The following KIAA1328 variants were observed in gnomAD, a reference collection of about 807,000 sequenced individuals.
KIAA1328 encodes protein hinderin.
A neutral mutation model predicts 68.1 loss-of-function variants in KIAA1328; 52 were observed. The ratio of observed to expected loss-of-function variants is 0.76; its 90% CI spans 0.61 to 0.96. The LOEUF is 0.96. Among genes scored for constraint, KIAA1328 ranks in the 40% least tolerant of loss-of-function variants. KIAA1328 has a pLI of 0.00. For synonymous variants in KIAA1328, 232 were observed against 239.4 expected (o/e 0.97, Z 0.28); for missense variants, 641 against 677.6 (o/e 0.95, Z 0.60).
At chr18:37,229,743 G>A, downstream of KIAA1328, 1 of 295,000 alleles carries the variant, frequency 3.4e-6, no homozygotes, top group Non-Finnish European at 6.5e-6. Context: ...AAAATTACCT[G>A]AGCGTGGTGG....
chr18:36,924,851 G>A (rs1031143741), intron 5 of KIAA1328: 6 of 152,126 alleles, frequency 3.9e-5, no homozygotes, highest in African/African-American at 1.4e-4. Context: ...TTCAAGGAGG[G>A]TTGCTGGTCC....
intron 5 of KIAA1328, among the ~76,000 whole-genome samples, chr18:36,932,552 G>A (rs2050349159): frequency 6.6e-6 from 1 of 152,116 alleles, no homozygotes; most frequent in African/African-American, 2.4e-5. Context: ...TTCCATAATT[G>A]ACATTTATTA....
chr18:37,082,418 C>T (rs553810758), intron 7 of KIAA1328, among the ~76,000 whole-genome samples: 3 of 152,196 alleles, frequency 2.0e-5, no homozygotes, highest in Non-Finnish European at 2.9e-5. Context: ...GTGATCTGCC[C>T]GCCTCGGTCT....
chr18:36,985,315 A>G (rs1227173976), intron 6 of KIAA1328, among the ~76,000 whole-genome samples: 1 of 152,184 alleles, frequency 6.6e-6, no homozygotes, highest in Admixed American at 6.5e-5. Flanking sequence ...ATAAAGATTC[A>G]GTGCAATTCC....
chr18:37,143,037 C>T (rs527554712), intron 7 of KIAA1328, among the ~76,000 whole-genome samples: 20 of 151,882 alleles, frequency 1.3e-4, no homozygotes, highest in Middle Eastern at 3.4e-3. Flanking sequence ...TTACTGCAAC[C>T]TCCGCCTCCC....
At position 37,205,597 on chromosome 18, in the gene KIAA1328, C is replaced by T. The variant is rs192901512; in HGVS notation, c.1524-16420C>T. ...GTAGAAAGGACACAAATAGGTACTC[C>T]AAAAGGTCAAAAGTCATGCAAATAA... On this transcript the variant is annotated intron_variant, in intron 9 of 9. Coordinates refer to ENST00000280020, the MANE Select transcript of KIAA1328 (RefSeq NM_020776.3). Among the ~76,000 whole-genome samples, 283 of 152,236 alleles carry T rather than the reference C, an allele frequency of 1.9e-3. 3 individuals carry two copies. Among genetic ancestry groups the T allele is most frequent in the African/African-American group, 6.6e-3 (276 of 41,534 alleles).
intron 6 of KIAA1328, 79 bp downstream of exon 6, chr18:36,959,514 A>G (rs1272330648): frequency 2.8e-6 from 4 of 1,415,668 alleles, no homozygotes; most frequent in South Asian, 1.3e-5. Context: ...TTTTATCTTA[A>G]TTTCCTCCCA....
chr18:36,975,719 T>A (rs570800817), intron 6 of KIAA1328, among the ~76,000 whole-genome samples: 1 of 152,348 alleles, frequency 6.6e-6, no homozygotes, highest in African/African-American at 2.4e-5. Context: ...ACCGATTTTT[T>A]AACTTTTATT....
intron 4 of KIAA1328, among the ~76,000 whole-genome samples, chr18:36,857,314 T>C (rs2047417016): frequency 6.6e-6 from 1 of 152,228 alleles, no homozygotes; most frequent in Non-Finnish European, 1.5e-5. Context: ...CTGCTGTCTC[T>C]TTTGCCAGGT....
At chr18:36,957,386 G>A (rs1474692227) in intron 5 of KIAA1328, among the ~76,000 whole-genome samples, 1 of 152,122 alleles carries the variant, frequency 6.6e-6, no homozygotes, top group African/African-American at 2.4e-5. Context: ...AAGAGCCTGG[G>A]GAGGAAATTA....
chr18:37,211,763 CAG>C (rs2060320951), intron 9 of KIAA1328, among the ~76,000 whole-genome samples: 1 of 152,134 alleles, frequency 6.6e-6, no homozygotes. Context: ...AATGAGTACT[CAG>C]AAAGAATTTG....
At chr18:36,985,042 C>G (rs1040560728) in intron 6 of KIAA1328, among the ~76,000 whole-genome samples, 9 of 152,058 alleles carry the variant, frequency 5.9e-5, no homozygotes, top group Non-Finnish European at 2.9e-5. Context: ...GTGGCTCACA[C>G]CTAAAATTCA....
intron 5 of KIAA1328, chr18:36,895,744 T>C (rs1242247661): frequency 2.2e-6 from 1 of 456,248 alleles, no homozygotes; most frequent in East Asian, 7.0e-5. Context: ...CCAGTGAGAA[T>C]GTAGCTGAAG....
chr18:36,866,482 T>G (rs1457641728), intron 4 of KIAA1328, among the ~76,000 whole-genome samples: 1 of 151,820 alleles, frequency 6.6e-6, no homozygotes, highest in Admixed American at 6.6e-5. Flanking sequence ...AAAAAAGGAG[T>G]GAAAGTTCAA....
At chr18:36,832,364 A>G (rs1288916271) in intron 1 of KIAA1328, among the ~76,000 whole-genome samples, 1 of 152,046 alleles carries the variant, frequency 6.6e-6, no homozygotes, top group Non-Finnish European at 1.5e-5. Context: ...AAGCAGGTGG[A>G]TCACAAGGTC....
At position 37,213,906 on chromosome 18, in the gene KIAA1328, T is replaced by C. The variant is rs148272485; in HGVS notation, c.1524-8111T>C. Among the ~76,000 whole-genome samples the C allele has an allele frequency of 4.9e-3, 746 of 152,346 alleles. 6 individuals are homozygous for C. Among genetic ancestry groups the C allele is most frequent in the African/African-American group, 0.017 (718 of 41,568 alleles). ...GCATTTATCTGATAACCAGTGATGA[T>C]GAGCATTTTTTCATGTGTCTGTTGG... On this transcript the variant is annotated intron_variant, in intron 9 of 9. Coordinates refer to ENST00000280020, the MANE Select transcript of KIAA1328 (RefSeq NM_020776.3).
intron 3 of KIAA1328, among the ~76,000 whole-genome samples, chr18:36,841,709 T>C (rs2046864858): frequency 6.6e-6 from 1 of 152,206 alleles, no homozygotes; most frequent in African/African-American, 2.4e-5. Context: ...AATATGCAAA[T>C]GAATGAGCAC....
At chr18:37,002,245 T>G (rs2053616633) in intron 6 of KIAA1328, among the ~76,000 whole-genome samples, 1 of 148,406 alleles carries the variant, frequency 6.7e-6, no homozygotes, top group Admixed American at 6.7e-5. Flanking sequence ...TTTTTTTTTT[T>G]TTTGAGACAG....
chr18:37,206,803 G>A (rs2060224373), intron 9 of KIAA1328, among the ~76,000 whole-genome samples: 1 of 152,126 alleles, frequency 6.6e-6, no homozygotes, highest in Non-Finnish European at 1.5e-5. Flanking sequence ...AAGCCATTGA[G>A]GAAAATAGAA....
Sources: allele counts gnomAD v4.1 joint callset (sites outside exome capture counted in the v4.1 genomes callset), GRCh38; gene constraint gnomAD v4.1.1; transcripts MANE v1.5; gene names NCBI Gene and HGNC (gene_info 2026-07-23, HGNC 2026-07-21).